Variants in NRXN1 observed in about 807,000 individuals in gnomAD.
NRXN1 encodes neurexin 1, also known as neurexin-1.
Under a neutral mutation model 150.9 loss-of-function variants are expected in NRXN1, and 39 were observed. The observed-to-expected ratio is 0.26, with a 90% confidence interval of 0.20 to 0.34. The LOEUF (loss-of-function observed/expected upper bound fraction) is 0.34, where lower values mean the gene tolerates loss of function less well. Ranked by LOEUF, NRXN1 falls within the 10% of genes least tolerant of loss-of-function variation. The pLI is 1.00. For missense variants in NRXN1, 1,815 were observed against 1,949.9 expected (o/e 0.93, Z 1.30); for synonymous variants, 924 against 757.0 (o/e 1.22, Z -3.62).
intron 5 of NRXN1, among the ~76,000 whole-genome samples, chr2:50,666,717 A>C (rs1688073896): frequency 6.6e-6 from 1 of 151,956 alleles, no homozygotes; most frequent in Admixed American, 6.6e-5. Flanking sequence ...GCAGGTAAAA[A>C]AATAGTCAAC....
intron 5 of NRXN1, among the ~76,000 whole-genome samples, chr2:50,652,083 C>T (rs1367773109): frequency 6.6e-6 from 1 of 152,002 alleles, no homozygotes; most frequent in Non-Finnish European, 1.5e-5. Context: ...AGAGAGGTAG[C>T]ATCAAAGGTT....
At chr2:50,366,169 T>TTA (rs1553502380) in intron 17 of NRXN1, among the ~76,000 whole-genome samples, 1 of 150,182 alleles carries the variant, frequency 6.7e-6, no homozygotes, top group African/African-American at 2.4e-5. Flanking sequence ...TTTTTTTTTT[T>TTA]ACATCCAGAG....
chr2:50,426,924 T>C (rs1284649065), intron 17 of NRXN1, among the ~76,000 whole-genome samples: 2 of 152,196 alleles, frequency 1.3e-5, no homozygotes, highest in African/African-American at 4.8e-5. Flanking sequence ...TGTTGTACAC[T>C]GACAGCACTT....
chr2:50,851,490 A>C (rs1358900625), intron 5 of NRXN1, among the ~76,000 whole-genome samples: 1 of 152,010 alleles, frequency 6.6e-6, no homozygotes, highest in Admixed American at 6.6e-5. Flanking sequence ...CCTCTCTCTG[A>C]AAATTGTTGC....
At chr2:50,324,647 T>C (rs2076270834) in intron 17 of NRXN1, among the ~76,000 whole-genome samples, 1 of 152,214 alleles carries the variant, frequency 6.6e-6, no homozygotes. Flanking sequence ...GTTCACGCCA[T>C]TCTCCTGCCT....
At chr2:50,029,371 T>C (rs1688851119) in intron 21 of NRXN1, among the ~76,000 whole-genome samples, 1 of 152,146 alleles carries the variant, frequency 6.6e-6, no homozygotes, top group African/African-American at 2.4e-5. Flanking sequence ...ACGGACTGAA[T>C]TAGGTCCCTG....
At chr2:50,311,861 C>T (rs190780000) in intron 17 of NRXN1, among the ~76,000 whole-genome samples, 2 of 151,814 alleles carry the variant, frequency 1.3e-5, no homozygotes, top group Admixed American at 6.6e-5. Flanking sequence ...TGTCTGTAAA[C>T]CTAAATAAAT....
intron 2 of NRXN1, among the ~76,000 whole-genome samples, chr2:51,015,835 G>A (rs976466959): frequency 6.6e-5 from 10 of 151,778 alleles, no homozygotes; most frequent in East Asian, 3.9e-4. Context: ...AATGGAGCAC[G>A]TTTTTAAACT....
intron 5 of NRXN1, among the ~76,000 whole-genome samples, chr2:50,889,428 T>TA (rs1207480107): frequency 3.3e-5 from 5 of 151,730 alleles, no homozygotes; most frequent in African/African-American, 9.7e-5. Flanking sequence ...AAATGCTCAA[T>TA]AAACACTCCG....
chr2:50,172,768 A>T (rs1243492080), intron 18 of NRXN1, among the ~76,000 whole-genome samples: 1 of 152,292 alleles, frequency 6.6e-6, no homozygotes, highest in South Asian at 2.1e-4. Flanking sequence ...GGAGTTCGAG[A>T]CCAGCCTAAT....
chr2:50,098,835 T>TGG, intron 18 of NRXN1, among the ~76,000 whole-genome samples: 1 of 6,116 alleles, frequency 1.6e-4, no homozygotes, highest in African/African-American at 1.6e-3. Flanking sequence ...TTTTAGTTTT[T>TGG]TTTTTTTTTT....
intron 17 of NRXN1, among the ~76,000 whole-genome samples, chr2:50,454,935 T>C (rs2087390598): frequency 6.6e-6 from 1 of 152,148 alleles, no homozygotes; most frequent in African/African-American, 2.4e-5. Flanking sequence ...TGATGTGAGC[T>C]GGATCATCTC....
At chr2:50,168,315 T>C (rs1405992148) in intron 18 of NRXN1, among the ~76,000 whole-genome samples, 1 of 152,182 alleles carries the variant, frequency 6.6e-6, no homozygotes, top group Non-Finnish European at 1.5e-5. Flanking sequence ...TTTACCTACA[T>C]TTTACACTAA....
chr2:51,023,545 T>A (rs1669957749), intron 2 of NRXN1, among the ~76,000 whole-genome samples: 1 of 152,228 alleles, frequency 6.6e-6, no homozygotes, highest in Non-Finnish European at 1.5e-5. Flanking sequence ...TCACTTTTTA[T>A]TACGTCAGCT....
intron 21 of NRXN1, among the ~76,000 whole-genome samples, chr2:50,024,702 C>T (rs1027100147): frequency 6.6e-6 from 1 of 151,952 alleles, no homozygotes; most frequent in African/African-American, 2.4e-5. Flanking sequence ...GCAACCTTTG[C>T]CTCCAGGATT....
chr2:50,914,023 C>T (rs918225216), intron 5 of NRXN1, among the ~76,000 whole-genome samples: 22 of 151,788 alleles, frequency 1.4e-4, no homozygotes, highest in African/African-American at 5.1e-4. Flanking sequence ...ACTCTCTTTT[C>T]GAAAGGACAA....
chr2:49,990,137 T>C (rs537433067), intron 21 of NRXN1, among the ~76,000 whole-genome samples: 17 of 150,770 alleles, frequency 1.1e-4, no homozygotes, highest in Non-Finnish European at 1.8e-4. Context: ...TGATAGAACA[T>C]AGTAAAAGGG....
chr2:50,401,022 A>G (rs2082356635), intron 17 of NRXN1, among the ~76,000 whole-genome samples: 1 of 152,138 alleles, frequency 6.6e-6, no homozygotes, highest in East Asian at 1.9e-4. Flanking sequence ...TAATAATGAA[A>G]TATTGTGGAC....
intron 5 of NRXN1, among the ~76,000 whole-genome samples, chr2:50,737,427 T>C (rs1698901760): frequency 6.6e-6 from 1 of 152,148 alleles, no homozygotes; most frequent in Non-Finnish European, 1.5e-5. Flanking sequence ...GGACAGAGGA[T>C]ATTATTCTCC....
Sources: gnomAD v4.1 joint callset for allele counts (sites outside exome capture counted in the v4.1 genomes callset) on GRCh38, gnomAD v4.1.1 for gene constraint, MANE v1.5 for transcripts, NCBI Gene and HGNC (gene_info 2026-07-23, HGNC 2026-07-21) for gene names.